The following DGKB variants were observed in gnomAD, a reference collection of about 807,000 sequenced individuals.
The protein encoded by DGKB is diacylglycerol kinase beta.
DGKB carries 67 observed loss-of-function variants against 114.3 expected under a neutral mutation model. That is an observed-to-expected ratio of 0.59 (90% CI 0.48 to 0.72). DGKB has a LOEUF of 0.72. DGKB is among the 30% of genes least tolerant of loss of function. The pLI is 0.00. For synonymous variants in DGKB, 398 were observed against 323.1 expected (o/e 1.23, Z -2.49); for missense variants, 907 against 975.2 (o/e 0.93, Z 0.93).
At chr7:14,807,960 C>A (rs546914942) in intron 2 of DGKB, among the ~76,000 whole-genome samples, 2 of 152,040 alleles carry the variant, frequency 1.3e-5, no homozygotes, top group South Asian at 2.1e-4. Context: ...ATCATAAATT[C>A]TTTAATACAT....
intron 23 of DGKB, among the ~76,000 whole-genome samples, chr7:14,215,444 C>T (rs181101178): frequency 5.9e-5 from 9 of 152,220 alleles, no homozygotes; most frequent in African/African-American, 2.2e-4. Flanking sequence ...CACGTACACT[C>T]CCTTTCAAAT....
intron 22 of DGKB, among the ~76,000 whole-genome samples, chr7:14,339,043 G>A (rs554718867): frequency 2.0e-5 from 3 of 152,040 alleles, no homozygotes; most frequent in East Asian, 3.9e-4. Context: ...TTACAAAAAG[G>A]TTAATTCTGG....
Position 14,260,746 on chromosome 7 carries a change from G to A in DGKB, c.2122+77769C>T, listed in dbSNP as rs368609199. Among the ~76,000 whole-genome samples the A allele has an allele frequency of 1.7e-4, 26 of 152,238 alleles. No homozygotes were observed. In the East Asian group the frequency reaches 1.9e-3, roughly 11 times the overall value. On this transcript the variant is annotated intron_variant, in intron 23 of 25. Transcript: ENST00000402815. Reference sequence around the variant, plus strand: ...GGTTTAAGTAGAGCTACTTAATACCGTGGGATAATAGTAACATTTTATTTT... The same window carrying A: ...GGTTTAAGTAGAGCTACTTAATACCATGGGATAATAGTAACATTTTATTTT...
chr7:14,915,711 T>C (rs1421790092), intron 1 of DGKB, among the ~76,000 whole-genome samples: 2 of 152,080 alleles, frequency 1.3e-5, no homozygotes, highest in African/African-American at 4.8e-5. Flanking sequence ...GGATTCTATA[T>C]CCAGTAAAAT....
intron 1 of DGKB, among the ~76,000 whole-genome samples, chr7:14,870,725 G>T (rs748865089): frequency 2.0e-4 from 31 of 152,112 alleles, no homozygotes; most frequent in Admixed American, 7.2e-4. Context: ...AACCCAGGAG[G>T]GGGAGGTTGC....
At chr7:14,246,436 A>G (rs933916208) in intron 23 of DGKB, among the ~76,000 whole-genome samples, 4 of 152,300 alleles carry the variant, frequency 2.6e-5, no homozygotes, top group African/African-American at 9.6e-5. Flanking sequence ...TAGCTTCTGA[A>G]CCCACATTCT....
intron 21 of DGKB, among the ~76,000 whole-genome samples, chr7:14,454,491 T>G (rs1050316816): frequency 2.0e-5 from 3 of 152,102 alleles, no homozygotes; most frequent in Non-Finnish European, 4.4e-5. Flanking sequence ...CCATTCCAAT[T>G]TACAAAGGTA....
At chr7:14,178,626 A>G (rs1052733674) in intron 23 of DGKB, among the ~76,000 whole-genome samples, 6 of 152,180 alleles carry the variant, frequency 3.9e-5, no homozygotes, top group Non-Finnish European at 7.3e-5. Flanking sequence ...GGAGCTTCTC[A>G]TTTTATACAT....
At chr7:14,503,698 G>T (rs1462348515) in intron 20 of DGKB, among the ~76,000 whole-genome samples, 1 of 152,128 alleles carries the variant, frequency 6.6e-6, no homozygotes, top group Non-Finnish European at 1.5e-5. Flanking sequence ...GATTCCAATT[G>T]TTTCTGGTGC....
At chr7:14,965,417 T>C (rs1266027447) in intron 1 of DGKB, among the ~76,000 whole-genome samples, 1 of 152,102 alleles carries the variant, frequency 6.6e-6, no homozygotes, top group East Asian at 1.9e-4. Context: ...TATGAATAAC[T>C]CATCTCAAGT....
chr7:14,652,307 G>A (rs1411705431), intron 13 of DGKB, among the ~76,000 whole-genome samples: 5 of 152,150 alleles, frequency 3.3e-5, no homozygotes, highest in African/African-American at 7.2e-5. Flanking sequence ...CAGAGATATA[G>A]ATTAATGGAA....
intron 23 of DGKB, among the ~76,000 whole-genome samples, chr7:14,272,537 G>A (rs1298202022): frequency 6.6e-6 from 1 of 152,136 alleles, no homozygotes; most frequent in African/African-American, 2.4e-5. Context: ...AAGAAGCTAT[G>A]CACATAATGA....
At chr7:14,953,904 C>T (rs543598599) in intron 1 of DGKB, among the ~76,000 whole-genome samples, 3 of 152,176 alleles carry the variant, frequency 2.0e-5, no homozygotes, top group African/African-American at 7.2e-5. Flanking sequence ...GCCCCCAGAC[C>T]TGCAGCTTTC....
chr7:14,320,980 A>G (rs1004776466), intron 23 of DGKB, among the ~76,000 whole-genome samples: 1 of 152,190 alleles, frequency 6.6e-6, no homozygotes, highest in South Asian at 2.1e-4. Context: ...TAAGGAATAC[A>G]CGGTTGCTTT....
At chr7:14,642,718 T>A (rs986166329) in intron 13 of DGKB, among the ~76,000 whole-genome samples, 1 of 152,180 alleles carries the variant, frequency 6.6e-6, no homozygotes, top group Non-Finnish European at 1.5e-5. Context: ...TAAATTTGAG[T>A]TTTAACTTAA....
At chr7:14,584,239 AAATG>A (rs753033052) in intron 17 of DGKB, among the ~76,000 whole-genome samples, 18 of 152,210 alleles carry the variant, frequency 1.2e-4, no homozygotes, top group African/African-American at 1.9e-4. Context: ...CTACAAGATA[AAATG>A]AATGATCTCT....
intron 23 of DGKB, among the ~76,000 whole-genome samples, chr7:14,201,787 A>G (rs1475119338): frequency 6.6e-6 from 1 of 152,016 alleles, no homozygotes; most frequent in African/African-American, 2.4e-5. Context: ...ATTAATTACA[A>G]ATTAAAAAAA....
intron 16 of DGKB, among the ~76,000 whole-genome samples, chr7:14,611,342 C>T (rs1394870723): frequency 1.3e-5 from 2 of 152,146 alleles, no homozygotes; most frequent in Admixed American, 6.6e-5. Context: ...CTAGGCATTG[C>T]TGTCTGAACA....
At chr7:14,168,409 G>T (rs577459310) in intron 25 of DGKB, among the ~76,000 whole-genome samples, 1 of 152,242 alleles carries the variant, frequency 6.6e-6, no homozygotes, top group South Asian at 2.1e-4. Context: ...AGAAATAATA[G>T]CTGGAGATGT....
Sources: gnomAD v4.1 joint callset for allele counts (sites outside exome capture counted in the v4.1 genomes callset) on GRCh38, gnomAD v4.1.1 for gene constraint, MANE v1.5 for transcripts, NCBI Gene and HGNC (gene_info 2026-07-23, HGNC 2026-07-21) for gene names.